Variants in GRIP1 observed in about 807,000 individuals in gnomAD.
GRIP1 encodes the protein glutamate receptor-interacting protein 1.
GRIP1 carries 45 observed loss-of-function variants against 129.9 expected under a neutral mutation model. The observed-to-expected ratio is 0.35, with a 90% CI of 0.27 to 0.44. The LOEUF is 0.44. Ranked by LOEUF, GRIP1 falls within the 20% of genes least tolerant of loss-of-function variation. The pLI, the probability that GRIP1 is intolerant of heterozygous loss-of-function variation, is 1.00. For missense variants in GRIP1, 1,196 were observed against 1,396.8 expected (o/e 0.86, Z 2.29); for synonymous variants, 530 against 520.8 (o/e 1.02, Z -0.24).
upstream of GRIP1, among the ~76,000 whole-genome samples, chr12:66,808,367 G>A (rs989878249): frequency 2.0e-5 from 3 of 152,080 alleles, no homozygotes; most frequent in East Asian, 3.9e-4. Flanking sequence ...GCACGATCTC[G>A]GCTCACTGCA....
At chr12:66,789,496 G>C (rs1016824522) in intron 1 of GRIP1, among the ~76,000 whole-genome samples, 14 of 152,042 alleles carry the variant, frequency 9.2e-5, no homozygotes, top group African/African-American at 3.1e-4. Flanking sequence ...GTATGTTATA[G>C]CATTGTAAAA....
At chr12:66,938,271 G>A (rs1348032978) in intron 1 of GRIP1, among the ~76,000 whole-genome samples, 1 of 152,070 alleles carries the variant, frequency 6.6e-6, no homozygotes, top group African/African-American at 2.4e-5. Context: ...AGCTACTTGG[G>A]AGGCTGAGGC....
chr12:66,947,595 A>G (rs1452070626), intron 1 of GRIP1, among the ~76,000 whole-genome samples: 1 of 152,190 alleles, frequency 6.6e-6, no homozygotes, highest in African/African-American at 2.4e-5. Context: ...TAATTTTTGT[A>G]CTCTTCTGAG....
intron 3 of GRIP1, 46 bp downstream of exon 3, chr12:66,541,769 T>C: frequency 6.3e-7 from 1 of 1,594,344 alleles, no homozygotes. Context: ...TTTGAATTAA[T>C]TACACCCTGT....
At chr12:67,023,435 C>T (rs2042896430) in intron 1 of GRIP1, among the ~76,000 whole-genome samples, 1 of 152,132 alleles carries the variant, frequency 6.6e-6, no homozygotes, top group Non-Finnish European at 1.5e-5. Flanking sequence ...AAGTAGTTAC[C>T]CGTAAATGTG....
chr12:66,621,083 C>T (rs1321714334), intron 1 of GRIP1, among the ~76,000 whole-genome samples: 1 of 152,126 alleles, frequency 6.6e-6, no homozygotes, highest in Non-Finnish European at 1.5e-5. Flanking sequence ...ATTTCATTTA[C>T]ATTTTTTATA....
intron 23 of GRIP1, among the ~76,000 whole-genome samples, chr12:66,364,240 T>C (rs2054987123): frequency 8.9e-6 from 1 of 112,258 alleles, no homozygotes; most frequent in African/African-American, 3.6e-5. Context: ...CACTCCAGCC[T>C]GGGTGACACA....
chr12:66,651,590 T>C (rs570337261), intron 1 of GRIP1, among the ~76,000 whole-genome samples: 110 of 152,308 alleles, frequency 7.2e-4, no homozygotes, highest in African/African-American at 2.6e-3. Context: ...TTCACTTTAA[T>C]ACACCATGGC....
At chr12:66,552,497 G>GATTAGGGACACTGAGACTTGAAA (rs2062175145) in intron 2 of GRIP1, among the ~76,000 whole-genome samples, 1 of 152,138 alleles carries the variant, frequency 6.6e-6, no homozygotes, top group Non-Finnish European at 1.5e-5. Flanking sequence ...CCATTTTATA[G>GATTAGGGACACTGAGACTTGAAA]ATTAGGGACA....
chr12:66,798,021 G>A (rs889456351), intron 1 of GRIP1, among the ~76,000 whole-genome samples: 5 of 152,170 alleles, frequency 3.3e-5, no homozygotes, highest in Non-Finnish European at 7.3e-5. Flanking sequence ...AGGAGAAACA[G>A]GAGCATTTTA....
intron 1 of GRIP1, among the ~76,000 whole-genome samples, chr12:66,884,226 C>T (rs768999674): frequency 3.3e-5 from 5 of 152,334 alleles, no homozygotes; most frequent in South Asian, 4.1e-4. Flanking sequence ...GACCGCTTAG[C>T]GCTTTTGCTA....
chr12:66,525,885 T>C (rs959226487), intron 5 of GRIP1, among the ~76,000 whole-genome samples: 13 of 151,618 alleles, frequency 8.6e-5, no homozygotes, highest in Non-Finnish European at 1.3e-4. Flanking sequence ...TATACACCAA[T>C]AACAGACAAA....
intron 2 of GRIP1, among the ~76,000 whole-genome samples, chr12:66,574,763 A>G (rs1167791160): frequency 6.7e-6 from 1 of 149,624 alleles, no homozygotes; most frequent in Non-Finnish European, 1.5e-5. Context: ...CAGCTGACTG[A>G]AGGAACTCTC....
intron 23 of GRIP1, among the ~76,000 whole-genome samples, chr12:66,362,795 T>C (rs2054852681): frequency 6.6e-6 from 1 of 151,666 alleles, no homozygotes; most frequent in East Asian, 1.9e-4. Context: ...CCCTGAGAAA[T>C]AAGGCACACT....
At chr12:66,881,075 T>A (rs1426448318) in intron 1 of GRIP1, among the ~76,000 whole-genome samples, 1 of 152,112 alleles carries the variant, frequency 6.6e-6, no homozygotes, top group African/African-American at 2.4e-5. Context: ...TTTCACTTTT[T>A]TCCTTTCATT....
chr12:66,715,476 G>GAC (rs1555229477), intron 1 of GRIP1, among the ~76,000 whole-genome samples: 1 of 129,118 alleles, frequency 7.7e-6, no homozygotes, highest in Non-Finnish European at 1.7e-5. Context: ...GTGTGTGAGA[G>GAC]AGAGAGAGAG....
At chr12:66,567,202 T>A (rs1217880261) in intron 2 of GRIP1, among the ~76,000 whole-genome samples, 2 of 152,200 alleles carry the variant, frequency 1.3e-5, no homozygotes, top group Admixed American at 1.3e-4. Context: ...CTATAGTTCT[T>A]TTAATTGTGA....
At chr12:66,898,913 C>A (rs1394450841) in intron 1 of GRIP1, among the ~76,000 whole-genome samples, 1 of 152,076 alleles carries the variant, frequency 6.6e-6, no homozygotes, top group Non-Finnish European at 1.5e-5. Flanking sequence ...TTATGTAAGG[C>A]CTCAACACCA....
chr12:66,424,007 C>T (rs1334983199), intron 14 of GRIP1, among the ~76,000 whole-genome samples: 1 of 152,212 alleles, frequency 6.6e-6, no homozygotes, highest in East Asian at 1.9e-4. Flanking sequence ...CTGCCTCTTT[C>T]CCATTCATAT....
Sources: allele counts gnomAD v4.1 joint callset (sites outside exome capture counted in the v4.1 genomes callset), GRCh38; gene constraint gnomAD v4.1.1; transcripts MANE v1.5; gene names NCBI Gene and HGNC (gene_info 2026-07-23, HGNC 2026-07-21).